TCEANC2: variants seen among roughly 807,000 people sequenced by gnomAD.
TCEANC2 encodes transcription elongation factor A N-terminal and central domain-containing protein 2.
TCEANC2 carries 20 observed loss-of-function variants against 22.8 expected under a neutral mutation model. The ratio of observed to expected loss-of-function variants is 0.88; its 90% CI spans 0.62 to 1.28. TCEANC2 has a LOEUF of 1.28. Among genes scored for constraint, TCEANC2 ranks in the 50% most tolerant of loss-of-function variants. The probability of loss-of-function intolerance (pLI) is 0.00; values close to 1 mark genes in which losing one functional copy is unlikely to be tolerated. For synonymous variants in TCEANC2, 84 were observed against 95.5 expected, an observed-to-expected ratio of 0.88 and a Z score of 0.70; for missense variants, 251 against 249.7, an observed-to-expected ratio of 1.01 and a Z score of -0.03.
Position 54,099,289 on chromosome 1 carries a change from G to T in TCEANC2, c.*2816G>T, listed in dbSNP as rs1359508342. The T allele has an allele frequency of 6.6e-6, 1 of 152,248 alleles. No homozygotes were observed. The highest frequency in any genetic ancestry group is 1.5e-5 in the Non-Finnish European group (1 of 68,044). The allele number at this position is 152,248 out of a possible 1,614,324, so 9.4% of individuals were successfully genotyped here. ...GCTTTGGAGATTTGGAAAGCAGGCT[G>T]TGTTATTTGTGGCTGTTTTCTCCTT... On this transcript the variant is annotated 3_prime_UTR_variant, in exon 5 of 5. Transcript: ENST00000234827.
intron 3 of TCEANC2, among the ~76,000 whole-genome samples, chr1:54,078,064 C>T (rs1250634751): frequency 2.0e-5 from 3 of 152,128 alleles, no homozygotes; most frequent in Non-Finnish European, 2.9e-5. Flanking sequence ...TTAAATCTTA[C>T]AAATTTAAGA....
At chr1:54,088,911 T>C in intron 4 of TCEANC2, 121 bp downstream of exon 4, 1 of 526,398 alleles carries the variant, frequency 1.9e-6, no homozygotes, top group Non-Finnish European at 3.1e-6. Flanking sequence ...AAACGCCTCA[T>C]AATTTCATAA....
rs1657670302 is a variant in TCEANC2 at position 54,053,612 on chromosome 1, G to A, written c.-189G>A. ...GAATGTGGTTCGCTGTGGCCCAGAGGCGCGAGGGCCGGCGGAGTTTCTTCA... is the reference window on the plus strand; with the variant it reads ...GAATGTGGTTCGCTGTGGCCCAGAGACGCGAGGGCCGGCGGAGTTTCTTCA... On this transcript the variant is annotated 5_prime_UTR_variant, in exon 1 of 5. Coordinates refer to ENST00000234827, the MANE Select transcript of TCEANC2 (RefSeq NM_153035.3). The A allele has an allele frequency of 1.2e-5, 2 of 168,786 alleles. No individual in the cohort carries two copies. The highest frequency in any genetic ancestry group is 2.4e-5 in the African/African-American group (1 of 41,908). The allele number at this position is 168,786 out of a possible 1,614,324, so 10.5% of individuals were successfully genotyped here.
At chr1:54,068,698 G>C (rs947068180) in intron 2 of TCEANC2, 58 bp from the exon 3 acceptor site, 1 of 1,542,158 alleles carries the variant, frequency 6.5e-7, no homozygotes, top group Non-Finnish European at 8.7e-7. Context: ...CTCAGGTGAA[G>C]GCAGATGTCT....
At position 54,102,087 on chromosome 1, in the gene TCEANC2, C is replaced by T. The variant is rs562961885; in HGVS notation, c.*5614C>T. 6.6e-5 allele frequency: 10 copies of T among 152,320 alleles called. No individual in the cohort carries two copies. Among genetic ancestry groups the T allele is most frequent in the East Asian group, 1.9e-4 (1 of 5,186 alleles). 9.4% of individuals were successfully genotyped at this position (152,320 alleles called of 1,614,324 possible). ...GAAGGAAGCACAATGCCTGGGAGCC[C>T]TCTTTAGGTTTTGGAGACAGCATAT... On this transcript the variant is annotated 3_prime_UTR_variant, in exon 5 of 5. Coordinates refer to ENST00000234827, the MANE Select transcript of TCEANC2 (RefSeq NM_153035.3).
In TCEANC2 at chr1:54,102,517, C is replaced by T. The variant is rs1253472922; in HGVS notation, c.*6044C>T. 1 of 152,224 alleles carries T rather than the reference C, an allele frequency of 6.6e-6. No individual in the cohort carries two copies. The highest frequency in any genetic ancestry group is 2.4e-5 in the African/African-American group (1 of 41,446). 9.4% of individuals were successfully genotyped at this position (152,224 alleles called of 1,614,324 possible). The stretch of plus-strand genomic sequence containing the variant: ...ATGAGCTGGATTCTGCCATATCCAC[C>T]AAGTCATAAGGTCAGGCAAAGCCAG... On this transcript the variant is annotated 3_prime_UTR_variant, in exon 5 of 5. Coordinates refer to ENST00000234827, the MANE Select transcript of TCEANC2 (RefSeq NM_153035.3).
chr1:54,100,321 T>G lies in TCEANC2; in HGVS notation c.*3848T>G, dbSNP rs1658638705. On this transcript the variant is annotated 3_prime_UTR_variant, in exon 5 of 5. Coordinates refer to ENST00000234827, the MANE Select transcript of TCEANC2 (RefSeq NM_153035.3). The stretch of plus-strand genomic sequence containing the variant: ...TGTGTAGGGACTCAGTCTCTGTATT[T>G]TCATTCATTCATTCAACAAACAAAT... 6.6e-6 allele frequency: 1 copy of G among 152,110 alleles called. No homozygotes were observed. The highest frequency in any genetic ancestry group is 2.4e-5 in the African/African-American group (1 of 41,406). The allele number at this position is 152,110 out of a possible 1,614,324, so 9.4% of individuals were successfully genotyped here.
At chr1:54,108,828 C>T (rs962121276), downstream of TCEANC2, among the ~76,000 whole-genome samples, 15 of 151,996 alleles carry the variant, frequency 9.9e-5, no homozygotes, top group East Asian at 1.9e-4. Context: ...AAAAATTAGC[C>T]GGGCATGGTG....
At chr1:54,065,676 G>A (rs1486464623) in intron 2 of TCEANC2, among the ~76,000 whole-genome samples, 1 of 151,904 alleles carries the variant, frequency 6.6e-6, no homozygotes, top group East Asian at 1.9e-4. Flanking sequence ...TCTCACCACT[G>A]CACTCCAGCC....
At chr1:54,095,689 T>C (rs931580605) in intron 4 of TCEANC2, among the ~76,000 whole-genome samples, 27 of 151,978 alleles carry the variant, frequency 1.8e-4, no homozygotes, top group African/African-American at 5.8e-4. Flanking sequence ...GCCATTAGTA[T>C]GGTGAAAGGG....
chr1:54,057,855 A>G (rs1037628709), intron 2 of TCEANC2, among the ~76,000 whole-genome samples: 5 of 152,090 alleles, frequency 3.3e-5, no homozygotes, highest in Non-Finnish European at 7.3e-5. Context: ...ACCATTCACA[A>G]TTCCCCAAAG....
intron 2 of TCEANC2, among the ~76,000 whole-genome samples, chr1:54,062,224 T>G (rs1439444216): frequency 6.6e-6 from 1 of 152,232 alleles, no homozygotes; most frequent in Admixed American, 6.5e-5. Flanking sequence ...TAAAACCAGA[T>G]GGTATATTGG....
intron 3 of TCEANC2, among the ~76,000 whole-genome samples, chr1:54,082,829 G>A (rs888623413): frequency 3.3e-5 from 5 of 152,122 alleles, no homozygotes; most frequent in Admixed American, 3.3e-4. Context: ...AACCATCGGA[G>A]GATTTTTATT....
chr1:54,074,044 T>C (rs1420377017), intron 3 of TCEANC2, among the ~76,000 whole-genome samples: 3 of 152,172 alleles, frequency 2.0e-5, no homozygotes, highest in Admixed American at 1.3e-4. Flanking sequence ...TTTAGACTTA[T>C]TCTGTGGAAC....
At chr1:54,070,547 C>T (rs1359279740) in intron 3 of TCEANC2, among the ~76,000 whole-genome samples, 4 of 152,168 alleles carry the variant, frequency 2.6e-5, no homozygotes, top group East Asian at 1.9e-4. Flanking sequence ...AATGAAACCA[C>T]AACAGGGCTT....
At chr1:54,068,931 G>A (rs768007156) in intron 3 of TCEANC2, 34 bp downstream of exon 3, 1 of 1,498,896 alleles carries the variant, frequency 6.7e-7, no homozygotes, top group East Asian at 2.5e-5. Context: ...TTTTAAGAAA[G>A]CTTATATTTT....
At chr1:54,063,860 T>A (rs1657901554) in intron 2 of TCEANC2, among the ~76,000 whole-genome samples, 1 of 152,244 alleles carries the variant, frequency 6.6e-6, no homozygotes, top group Non-Finnish European at 1.5e-5. Context: ...TCAGTACAGA[T>A]GCAGCCATCT....
Position 54,077,057 on chromosome 1 carries a change from C to T in TCEANC2, c.244+8160C>T, listed in dbSNP as rs77964756. Among the ~76,000 whole-genome samples the T allele has an allele frequency of 7.4e-3, 1,121 of 152,018 alleles. 8 individuals are homozygous for T. The highest frequency in any genetic ancestry group is 0.015 in the African/African-American group (614 of 41,448). On this transcript the variant is annotated intron_variant, in intron 3 of 4. Coordinates refer to ENST00000234827, the MANE Select transcript of TCEANC2 (RefSeq NM_153035.3). ...TGGCTGTAAACATTGAGGTGAGACA[C>T]GATGAAGACTTGGAGGACTGAGAGA...
intron 2 of TCEANC2, among the ~76,000 whole-genome samples, chr1:54,060,924 G>C (rs1041970637): frequency 1.3e-5 from 2 of 151,996 alleles, no homozygotes; most frequent in Non-Finnish European, 2.9e-5. Context: ...CTCCAGCCTG[G>C]GTGACAGAGC....
Sources: gnomAD v4.1 joint callset for allele counts (sites outside exome capture counted in the v4.1 genomes callset) on GRCh38, gnomAD v4.1.1 for gene constraint, MANE v1.5 for transcripts, NCBI Gene and HGNC (gene_info 2026-07-23, HGNC 2026-07-21) for gene names.